The following PUM1 variants were observed in gnomAD, a reference collection of about 807,000 sequenced individuals.
PUM1 encodes pumilio RNA binding family member 1.
In PUM1, 13 loss-of-function variants were observed where a neutral mutation model predicts 131.8. The observed-to-expected ratio is 0.10, with a 90% confidence interval of 0.06 to 0.16. The LOEUF (loss-of-function observed/expected upper bound fraction) is 0.16, where lower values mean the gene tolerates loss of function less well. Among genes scored for constraint, PUM1 ranks in the 10% least tolerant of loss-of-function variants. PUM1 has a pLI of 1.00. For synonymous variants in PUM1, 509 were observed against 556.5 expected (o/e 0.91, Z 1.20); for missense variants, 961 against 1,512.4 (o/e 0.64, Z 6.05).
At chr1:31,055,448 C>CACT (rs780580909) in intron 2 of PUM1, 1 of 455,862 alleles carries the variant, frequency 2.2e-6, no homozygotes. Flanking sequence ...GTGAGAACAA[C>CACT]ACTAAAACCA....
intron 2 of PUM1, among the ~76,000 whole-genome samples, chr1:31,036,019 A>G (rs530638765): frequency 1.6e-4 from 24 of 152,324 alleles, no homozygotes; most frequent in African/African-American, 5.8e-4. Flanking sequence ...AGGTTTACAG[A>G]AATTACTTGT....
At position 31,005,791 on chromosome 1, in the gene PUM1, AAGAGAGAGAGAG is replaced by A. The variant is rs57530886; in HGVS notation, c.720+50_720+61del. 7.5e-3 allele frequency: 9,734 copies of A among 1,296,560 alleles called. 10 individuals are homozygous for A. Among genetic ancestry groups the A allele is most frequent in the African/African-American group, 0.03 (1,977 of 64,848 alleles). The allele number at this position is 1,296,560 out of a possible 1,614,324, so 80.3% of individuals were successfully genotyped here. ...GGCATGTTTTGCTTTAGGGGAAAAA[AAGAGAGAGAGAG>A]AGAGAGAGAGAGAGAGAGAGATAGG... On this transcript the variant is annotated intron_variant, in intron 5 of 21. Transcript: ENST00000426105.
At chr1:30,996,148 C>A (rs907944422) in intron 5 of PUM1, among the ~76,000 whole-genome samples, 1 of 152,172 alleles carries the variant, frequency 6.6e-6, no homozygotes, top group Non-Finnish European at 1.5e-5. Context: ...GAACCTTACA[C>A]CAAAGGGTTA....
intron 21 of PUM1, 117 bp from the exon 22 acceptor site, chr1:30,933,459 C>T (rs1570061338): frequency 5.1e-6 from 4 of 786,526 alleles, no homozygotes; most frequent in East Asian, 2.9e-5. Flanking sequence ...CACACACACA[C>T]ACACACACAC....
chr1:31,011,290 T>C (rs1642610842), intron 3 of PUM1, among the ~76,000 whole-genome samples: 1 of 152,214 alleles, frequency 6.6e-6, no homozygotes, highest in Admixed American at 6.5e-5. Context: ...TTTTTGTATA[T>C]TTGAAACACT....
intron 7 of PUM1, among the ~76,000 whole-genome samples, chr1:30,986,197 T>C (rs1641552419): frequency 6.6e-6 from 1 of 152,136 alleles, no homozygotes. Context: ...TTGGGTGTCC[T>C]GCCAGCCTCA....
intron 1 of PUM1, among the ~76,000 whole-genome samples, chr1:31,064,226 C>A (rs1446040549): frequency 6.6e-6 from 1 of 152,128 alleles, no homozygotes; most frequent in African/African-American, 2.4e-5. Context: ...ATTCTGTGGT[C>A]ATAAATTTAT....
intron 7 of PUM1, 120 bp downstream of exon 7, chr1:30,992,270 G>T: frequency 7.6e-7 from 1 of 1,319,580 alleles, no homozygotes; most frequent in Non-Finnish European, 1.0e-6. Flanking sequence ...GGTTCACAAG[G>T]GCTAGCTATG....
Position 30,992,509 on chromosome 1 carries a change from A to T in PUM1, c.1039T>A (p.Leu347Met), listed in dbSNP as rs1641831090. 1 of 1,614,122 alleles carries T rather than the reference A, an allele frequency of 6.2e-7. No individual in the cohort carries two copies. Among genetic ancestry groups the T allele is most frequent in the Admixed American group, 1.7e-5 (1 of 60,010 alleles). Reference protein sequence around the residue: ...FSNMESQSVPLDPMEHVGMEP... With the variant: ...FSNMESQSVPMDPMEHVGMEP... ...ATGCCCACATGTTCCATGGGGTCCAAGGGGACACTCTGGGACTCCATGTTG... is the reference window on the plus strand; with the variant it reads ...ATGCCCACATGTTCCATGGGGTCCATGGGGACACTCTGGGACTCCATGTTG... The change falls in exon 7 of 22, where the codon TTG (leucine) becomes ATG (methionine). Residue 347 changes from leucine to methionine, a missense_variant. This residue lies in a region of PUM1 where 654 missense variants were observed against 923.9 expected (regional missense o/e 0.71). Transcript: ENST00000426105.
chr1:31,016,334 A>G (rs928474855), intron 3 of PUM1, among the ~76,000 whole-genome samples: 2 of 152,198 alleles, frequency 1.3e-5, no homozygotes, highest in Non-Finnish European at 2.9e-5. Flanking sequence ...TGTTGCTTAA[A>G]TAAGGAATGT....
intron 1 of PUM1, among the ~76,000 whole-genome samples, chr1:31,060,888 T>TA (rs879564618): frequency 0.014 from 1,934 of 136,156 alleles, 31 homozygotes; most frequent in African/African-American, 0.032. Flanking sequence ...TCTGTTTCAG[T>TA]AAAAAAAAAA....
chr1:31,018,206 G>C (rs948153101), intron 3 of PUM1, among the ~76,000 whole-genome samples: 1 of 151,976 alleles, frequency 6.6e-6, no homozygotes, highest in Non-Finnish European at 1.5e-5. Context: ...AAAATTAGCT[G>C]GGTGTAGTGG....
chr1:30,992,274 A>G, intron 7 of PUM1, 116 bp downstream of exon 7: 1 of 1,340,898 alleles, frequency 7.5e-7, no homozygotes, highest in Admixed American at 2.2e-5. Context: ...CACAAGGGCT[A>G]GCTATGGATA....
chr1:30,976,173 G>C (rs931572195), intron 9 of PUM1, among the ~76,000 whole-genome samples: 1 of 151,762 alleles, frequency 6.6e-6, no homozygotes, highest in African/African-American at 2.4e-5. Flanking sequence ...AGCTGCAGTC[G>C]GCCACATAAA....
At chr1:30,998,142 T>G (rs934973803) in intron 5 of PUM1, among the ~76,000 whole-genome samples, 4 of 152,204 alleles carry the variant, frequency 2.6e-5, no homozygotes, top group African/African-American at 4.8e-5. Context: ...TGTTTTGATT[T>G]TGCAGAAATT....
intron 1 of PUM1, among the ~76,000 whole-genome samples, chr1:31,059,875 T>C (rs1172689078): frequency 6.6e-6 from 1 of 151,844 alleles, no homozygotes; most frequent in African/African-American, 2.4e-5. Flanking sequence ...GACAAGAGTT[T>C]TGCCCCTGTT....
intron 18 of PUM1, 68 bp from the exon 19 acceptor site, chr1:30,942,191 T>TTA (rs58848270): frequency 0.016 from 2,300 of 144,632 alleles, 84 homozygotes; most frequent in Non-Finnish European, 0.019. Context: ...TCAGTATTGT[T>TTA]TATATATATA....
chr1:31,010,302 C>T (rs949593242), intron 3 of PUM1, among the ~76,000 whole-genome samples: 6 of 152,306 alleles, frequency 3.9e-5, no homozygotes, highest in Middle Eastern at 6.8e-3. Flanking sequence ...TCTTCACTTA[C>T]AAGTACTCAT....
chr1:30,995,442 C>G (rs1641947069), intron 5 of PUM1, among the ~76,000 whole-genome samples: 1 of 152,142 alleles, frequency 6.6e-6, no homozygotes. Context: ...GAGTTCAGAA[C>G]AGTCTTACTA....
Sources: gnomAD v4.1 joint callset for allele counts (sites outside exome capture counted in the v4.1 genomes callset) on GRCh38, gnomAD v4.1.1 for gene constraint, gnomAD v4.1.1 regional missense constraint, MANE v1.5 for transcripts, NCBI Gene and HGNC (gene_info 2026-07-23, HGNC 2026-07-21) for gene names.